Variants in KCNIP3 observed in about 807,000 individuals in gnomAD.
The protein encoded by KCNIP3 is potassium voltage-gated channel interacting protein 3, also known as calsenilin.
Under a neutral mutation model 35.0 loss-of-function variants are expected in KCNIP3, and 28 were observed. That is an observed-to-expected ratio of 0.80 (90% CI 0.59 to 1.10). The LOEUF (loss-of-function observed/expected upper bound fraction) is 1.10. Among genes scored for constraint, KCNIP3 ranks in the 50% least tolerant of loss-of-function variants. KCNIP3 has a pLI of 0.00. For missense variants in KCNIP3, 295 were observed against 338.4 expected, an observed-to-expected ratio of 0.87 and a Z score of 1.01; for synonymous variants, 134 against 133.8, an observed-to-expected ratio of 1.00 and a Z score of -0.01.
At chr2:95,325,538 C>T (rs913729023) in intron 2 of KCNIP3, among the ~76,000 whole-genome samples, 20 of 152,090 alleles carry the variant, frequency 1.3e-4, no homozygotes, top group South Asian at 6.2e-4. Flanking sequence ...TGTCCTGGAG[C>T]GAGGCAAGAT....
chr2:95,320,496 AGC>A (rs1678566814), intron 2 of KCNIP3, among the ~76,000 whole-genome samples: 2 of 152,084 alleles, frequency 1.3e-5, no homozygotes, highest in South Asian at 4.2e-4. Context: ...ACCCCTCAGC[AGC>A]CCCTGCCACC....
At chr2:95,325,070 G>A (rs1678702694) in intron 2 of KCNIP3, among the ~76,000 whole-genome samples, 1 of 152,336 alleles carries the variant, frequency 6.6e-6, no homozygotes, top group Middle Eastern at 3.4e-3. Flanking sequence ...ACAGGCAGAG[G>A]ACAGGGACAG....
chr2:95,356,665 G>A (rs1049193607), intron 2 of KCNIP3, among the ~76,000 whole-genome samples: 12 of 152,132 alleles, frequency 7.9e-5, no homozygotes, highest in African/African-American at 2.9e-4. Context: ...TTGTAGATGT[G>A]TGGTGTTATT....
chr2:95,366,168 G>A (rs978239714), intron 2 of KCNIP3, among the ~76,000 whole-genome samples: 31 of 152,032 alleles, frequency 2.0e-4, no homozygotes, highest in Non-Finnish European at 3.2e-4. Context: ...GAACAATGTC[G>A]TCACCACAAA....
chr2:95,353,249 C>T (rs971418320), intron 2 of KCNIP3, among the ~76,000 whole-genome samples: 4 of 152,170 alleles, frequency 2.6e-5, no homozygotes, highest in African/African-American at 9.7e-5. Flanking sequence ...TGCAGAGAAC[C>T]TGGGTGGGGG....
At chr2:95,328,635 G>A (rs1192734280) in intron 2 of KCNIP3, among the ~76,000 whole-genome samples, 2 of 152,260 alleles carry the variant, frequency 1.3e-5, no homozygotes, top group Non-Finnish European at 2.9e-5. Flanking sequence ...CCTTCAGGTC[G>A]TCTGTGACTG....
At chr2:95,368,728 C>A in intron 2 of KCNIP3, 1 of 247,654 alleles carries the variant, frequency 4.0e-6, no homozygotes, top group South Asian at 7.9e-5. Flanking sequence ...GAGTCCTGCT[C>A]ACCACTTTGT....
intron 2 of KCNIP3, chr2:95,346,874 A>C (rs1679384516): frequency 3.2e-6 from 1 of 315,554 alleles, no homozygotes; most frequent in Non-Finnish European, 5.5e-6. Context: ...CGGCCCAGCC[A>C]ACCCAGCAGC....
At chr2:95,370,038 T>C (rs1293008663) in intron 2 of KCNIP3, among the ~76,000 whole-genome samples, 1 of 152,236 alleles carries the variant, frequency 6.6e-6, no homozygotes, top group Non-Finnish European at 1.5e-5. Context: ...TGCTTTCTTT[T>C]CTTTATTTCT....
chr2:95,382,457 G>A lies in KCNIP3; in HGVS notation c.636G>A (p.Ala212=), dbSNP rs763753766. The part of the protein sequence containing the change: ...TYPILREDAP[A]EHVERFFEKM... ...CCATCCTGCGGGAGGACGCGCCGGC[G>A]GAGCACGTGGAGAGGTTCTTCGAGG... Residue 212 remains alanine, a synonymous_variant, in exon 7 of 9, where the codon GCG becomes GCA. Transcript: ENST00000295225. The surrounding 1 kb of genome is among the most constrained non-coding windows in gnomAD (Gnocchi z 4.5). The A allele has an allele frequency of 6.8e-6, 11 of 1,607,938 alleles. No homozygotes were observed. Among genetic ancestry groups the A allele is most frequent in the Non-Finnish European group, 7.6e-6 (9 of 1,177,406 alleles).
intron 2 of KCNIP3, chr2:95,346,590 C>T (rs984321222): frequency 2.7e-5 from 4 of 146,188 alleles, no homozygotes; most frequent in Non-Finnish European, 6.1e-5. Flanking sequence ...CGCCCGGGAC[C>T]CCCGCCGCCG....
At chr2:95,332,575 A>T (rs1678959258) in intron 2 of KCNIP3, among the ~76,000 whole-genome samples, 1 of 152,252 alleles carries the variant, frequency 6.6e-6, no homozygotes, top group South Asian at 2.1e-4. Flanking sequence ...CTTAATATTA[A>T]AGAGAACAAA....
intron 2 of KCNIP3, among the ~76,000 whole-genome samples, chr2:95,342,226 G>A (rs1679210969): frequency 6.6e-6 from 1 of 152,166 alleles, no homozygotes; most frequent in South Asian, 2.1e-4. Flanking sequence ...ACAGGCTTTG[G>A]AGCTGGACTG....
chr2:95,327,973 C>T (rs1334045626), intron 2 of KCNIP3, among the ~76,000 whole-genome samples: 1 of 152,248 alleles, frequency 6.6e-6, no homozygotes, highest in Non-Finnish European at 1.5e-5. Context: ...TTGTCGGGGA[C>T]AGACCTGACC....
At chr2:95,331,727 CT>C (rs1333774379) in intron 2 of KCNIP3, among the ~76,000 whole-genome samples, 1 of 152,222 alleles carries the variant, frequency 6.6e-6, no homozygotes, top group Non-Finnish European at 1.5e-5. Flanking sequence ...GCCACGAGGG[CT>C]CCCAGCTTCT....
At chr2:95,340,727 C>A (rs1679177568) in intron 2 of KCNIP3, among the ~76,000 whole-genome samples, 1 of 152,178 alleles carries the variant, frequency 6.6e-6, no homozygotes, top group African/African-American at 2.4e-5. Context: ...AATGTGATAT[C>A]TGGAATTAGG....
intron 1 of KCNIP3, chr2:95,298,803 A>T (rs1677944421): frequency 6.6e-6 from 1 of 152,338 alleles, no homozygotes; most frequent in Non-Finnish European, 1.5e-5. Flanking sequence ...CCATGCAGGC[A>T]GGGCAGAGTG....
At position 95,324,154 on chromosome 2, in the gene KCNIP3, A is replaced by G. The variant is rs558179603; in HGVS notation, c.181+13634A>G. On this transcript the variant is annotated intron_variant, in intron 2 of 8. Transcript: ENST00000295225. ...TGGGCTGACTTAGTCAGTGAACTAA[A>G]CGGATTCCCTGACACAGATTCAGGT... Among the ~76,000 whole-genome samples the G allele has an allele frequency of 1.3e-5, 2 of 152,342 alleles. 1 individual carries two copies. Among genetic ancestry groups the G allele is most frequent in the South Asian group, 4.1e-4 (2 of 4,828 alleles).
At chr2:95,330,388 C>A (rs1678897149) in intron 2 of KCNIP3, among the ~76,000 whole-genome samples, 1 of 152,208 alleles carries the variant, frequency 6.6e-6, no homozygotes, top group Non-Finnish European at 1.5e-5. Flanking sequence ...AGGGCCATCC[C>A]ATATGGGGTG....
Sources: gnomAD v4.1 joint callset for allele counts (sites outside exome capture counted in the v4.1 genomes callset) on GRCh38, gnomAD v4.1.1 for gene constraint, Gnocchi (gnomAD v3.1) non-coding constraint, MANE v1.5 for transcripts, NCBI Gene and HGNC (gene_info 2026-07-23, HGNC 2026-07-21) for gene names.